Variants in PRDM15 observed in about 807,000 individuals in gnomAD.
The protein encoded by PRDM15 is PR domain zinc finger protein 15.
A neutral mutation model predicts 128.6 loss-of-function variants in PRDM15; 64 were observed. The ratio of observed to expected loss-of-function variants is 0.50; its 90% CI spans 0.41 to 0.61. The LOEUF (loss-of-function observed/expected upper bound fraction) is 0.61. PRDM15 is among the 20% of genes least tolerant of loss of function. PRDM15 has a pLI of 0.00. For missense variants in PRDM15, 1,242 were observed against 1,569.1 expected (o/e 0.79, Z 3.52); for synonymous variants, 615 against 621.8 (o/e 0.99, Z 0.16).
intron 1 of PRDM15, chr21:41,861,886 C>G (rs1181810339): frequency 6.3e-7 from 1 of 1,599,976 alleles, no homozygotes. Flanking sequence ...GAAATTTTCT[C>G]CCAAAACAGC....
intron 18 of PRDM15, among the ~76,000 whole-genome samples, chr21:41,817,744 G>A (rs1220704917): frequency 6.6e-6 from 1 of 152,138 alleles, no homozygotes; most frequent in African/African-American, 2.4e-5. Context: ...AAACAAATGA[G>A]CACAAGCATG....
At chr21:41,803,226 G>C (rs1400446464) in intron 22 of PRDM15, 1 of 407,106 alleles carries the variant, frequency 2.5e-6, no homozygotes, top group Admixed American at 3.8e-5. Context: ...TATTTCCAAA[G>C]GGAAATGTTT....
intron 18 of PRDM15, among the ~76,000 whole-genome samples, chr21:41,818,295 C>G (rs1441757114): frequency 6.6e-6 from 1 of 152,188 alleles, no homozygotes; most frequent in African/African-American, 2.4e-5. Context: ...ACCACCTGTC[C>G]CGCTAAGGCA....
At chr21:41,861,306 T>G (rs2063800036) in intron 1 of PRDM15, among the ~76,000 whole-genome samples, 4 of 152,172 alleles carry the variant, frequency 2.6e-5, no homozygotes, top group Admixed American at 1.3e-4. Flanking sequence ...CTATTCCCTA[T>G]CCATCCTTGA....
rs144547887 is a variant in PRDM15 at position 41,810,835 on chromosome 21, C to T, written c.2394G>A (p.Gly798=). 5 of 1,613,908 alleles carry T rather than the reference C, an allele frequency of 3.1e-6. No individual in the cohort carries two copies. The highest frequency in any genetic ancestry group is 1.3e-5 in the African/African-American group (1 of 74,936). Residue 798 remains glycine (G), a splice_region_variant and synonymous_variant, in exon 20 of 24, where the codon GGG becomes GGA. Coordinates refer to ENST00000398548, the MANE Select transcript of PRDM15 (RefSeq NM_001040424.3). The surrounding 1 kb of genome is among the most constrained non-coding windows in gnomAD (Gnocchi z 6.4). Reference sequence around the variant, plus strand: ...ACAATTCACACATGAAATCTTTAATCCCTGCAGAGAAAGGCGCACATAACT... The same window carrying T: ...ACAATTCACACATGAAATCTTTAATTCCTGCAGAGAAAGGCGCACATAACT... The part of the protein sequence containing the change: ...NMLKHCKRHT[G]IKDFMCELCG...
At chr21:41,820,719 C>T (rs185306051) in intron 16 of PRDM15, among the ~76,000 whole-genome samples, 37 of 152,344 alleles carry the variant, frequency 2.4e-4, no homozygotes, top group African/African-American at 7.2e-4. Context: ...CAGCAGACCG[C>T]GCAGATTATG....
At chr21:41,850,264 C>T (rs1360272757) in intron 5 of PRDM15, among the ~76,000 whole-genome samples, 4 of 152,126 alleles carry the variant, frequency 2.6e-5, no homozygotes, top group Admixed American at 6.5e-5. Flanking sequence ...CCCATAACAA[C>T]GCCCTGCTGG....
chr21:41,803,536 G>A (rs77634221), intron 22 of PRDM15, among the ~76,000 whole-genome samples: 2,097 of 152,322 alleles, frequency 0.014, 44 homozygotes, highest in African/African-American at 0.047. Flanking sequence ...GGTGGCCGGT[G>A]AGTGGTCACC....
rs1371788065 is a variant in PRDM15 at position 41,879,047 on chromosome 21, A to T, written c.-10+223T>A. ...ATCCCGGAGCGGCTCCGGGAAATCC[A>T]GCCGGGTTTTGACTCCGATCGCCAA... On this transcript the variant is annotated intron_variant, in intron 1 of 23. Transcript: ENST00000398548. This position sits in a 1 kb window ranked among gnomAD's most constrained non-coding sequence, Gnocchi z 5.1. 3 of 1,123,338 alleles carry T rather than the reference A, an allele frequency of 2.7e-6. No homozygotes were observed. In the South Asian group the frequency reaches 5.9e-5, roughly 22 times the overall value. 69.6% of individuals were successfully genotyped at this position (1,123,338 alleles called of 1,614,324 possible).
At chr21:41,822,261 C>T (rs561659491) in intron 14 of PRDM15, among the ~76,000 whole-genome samples, 52 of 152,388 alleles carry the variant, frequency 3.4e-4, no homozygotes, top group Admixed American at 9.1e-4. Flanking sequence ...ACGCCGCCCG[C>T]GGCTTCCTCT....
intron 13 of PRDM15, among the ~76,000 whole-genome samples, chr21:41,823,892 C>T (rs929574577): frequency 6.6e-6 from 1 of 152,246 alleles, no homozygotes; most frequent in Non-Finnish European, 1.5e-5. Context: ...ATTTCCTGCT[C>T]TTTCCAGCCT....
chr21:41,820,326 C>T (rs542011978), intron 16 of PRDM15, 152 bp from the exon 17 acceptor site: 3 of 649,596 alleles, frequency 4.6e-6, no homozygotes, highest in South Asian at 3.6e-5. Context: ...CTGCCACGGG[C>T]TCAATCGTAA....
Position 41,801,708 on chromosome 21 carries a change from C to A in PRDM15, c.2958G>T (p.Leu986=). The A allele has an allele frequency of 6.2e-7, 1 of 1,612,194 alleles. No individual in the cohort carries two copies. Among genetic ancestry groups the A allele is most frequent in the Non-Finnish European group, 8.5e-7 (1 of 1,178,378 alleles). ...VQSIQQVVVT[L]GDPNVTTPSS... Reference sequence around the variant, plus strand: ...ATGGTGTGGTCACATTTGGGTCACCCAGGGTCACCACTACCTGGAAGATTC... The same window carrying A: ...ATGGTGTGGTCACATTTGGGTCACCAAGGGTCACCACTACCTGGAAGATTC... Residue 986 remains leucine (L), a synonymous_variant, in exon 24 of 24, where the codon CTG becomes CTT. Transcript: ENST00000398548.
intron 5 of PRDM15, among the ~76,000 whole-genome samples, chr21:41,849,196 G>A (rs963718365): frequency 1.3e-4 from 20 of 152,234 alleles, no homozygotes; most frequent in African/African-American, 3.6e-4. Context: ...CTGCAGGGCC[G>A]CACGAGAGAA....
intron 1 of PRDM15, among the ~76,000 whole-genome samples, chr21:41,863,492 C>T (rs985856653): frequency 1.3e-5 from 2 of 152,160 alleles, no homozygotes; most frequent in Non-Finnish European, 2.9e-5. Flanking sequence ...ACTAAACACA[C>T]CTGCCATCAC....
In PRDM15 at chr21:41,879,066, T is replaced by C; in HGVS notation, c.-10+204A>G. On this transcript the variant is annotated intron_variant, in intron 1 of 23. Coordinates refer to ENST00000398548, the MANE Select transcript of PRDM15 (RefSeq NM_001040424.3). This position sits in a 1 kb window ranked among gnomAD's most constrained non-coding sequence, Gnocchi z 5.1. The stretch of plus-strand genomic sequence containing the variant: ...AAATCCAGCCGGGTTTTGACTCCGA[T>C]CGCCAACGGTGCCCGCAGCCGGCGA... 1 of 1,131,336 alleles carries C rather than the reference T, an allele frequency of 8.8e-7. No individual in the cohort carries two copies. The allele number at this position is 1,131,336 out of a possible 1,614,324, so 70.1% of individuals were successfully genotyped here. A position where few individuals can be genotyped will look rare whatever the true frequency, so the allele number is the denominator to read the frequency against.
At chr21:41,835,781 G>A (rs928240496) in intron 10 of PRDM15, among the ~76,000 whole-genome samples, 2 of 152,206 alleles carry the variant, frequency 1.3e-5, no homozygotes, top group Non-Finnish European at 1.5e-5. Context: ...TGCTGCGCTT[G>A]TGGGCATCTG....
chr21:41,854,794 C>G lies in PRDM15; in HGVS notation c.310G>C (p.Val104Leu). Reference sequence around the variant, plus strand: ...TCCTCGTTGGAGGTGTCGAAGCACACGGGGTGCCCGTCCTTCTGGAACACC... The same window carrying G: ...TCCTCGTTGGAGGTGTCGAAGCACAGGGGGTGCCCGTCCTTCTGGAACACC... ...LKVFQKDGHP[V>L]CFDTSNEDDC... Residue 104 changes from valine (V) to leucine (L), a missense_variant, in exon 5 of 24, where the codon GTG (valine) becomes CTG (leucine). Around this residue, in one of 3 missense-constraint regions of PRDM15, gnomAD observed 612 missense variants for 717.0 expected, o/e 0.85. Coordinates refer to ENST00000398548, the MANE Select transcript of PRDM15 (RefSeq NM_001040424.3). The surrounding 1 kb of genome is among the most constrained non-coding windows in gnomAD (Gnocchi z 4.6). 1 of 1,604,376 alleles carries G rather than the reference C, an allele frequency of 6.2e-7. No individual in the cohort carries two copies. Among genetic ancestry groups the G allele is most frequent in the South Asian group, 1.1e-5 (1 of 90,768 alleles).
At chr21:41,878,315 G>A (rs530621693) in intron 1 of PRDM15, among the ~76,000 whole-genome samples, 1 of 152,324 alleles carries the variant, frequency 6.6e-6, no homozygotes, top group East Asian at 1.9e-4. Context: ...AACTCCCTTT[G>A]GGGACTTGGG....
Sources: gnomAD v4.1 joint callset for allele counts (sites outside exome capture counted in the v4.1 genomes callset) on GRCh38, gnomAD v4.1.1 for gene constraint, gnomAD v4.1.1 regional missense constraint, Gnocchi (gnomAD v3.1) non-coding constraint, MANE v1.5 for transcripts, NCBI Gene and HGNC (gene_info 2026-07-23, HGNC 2026-07-21) for gene names.